Variants in EXOC2 observed in about 807,000 individuals in gnomAD.
The protein encoded by EXOC2 is SEC5-like 1.
EXOC2 carries 70 observed loss-of-function variants against 131.8 expected under a neutral mutation model. That is an observed-to-expected ratio of 0.53 (90% CI 0.44 to 0.65). The LOEUF (loss-of-function observed/expected upper bound fraction) is 0.65, where lower values mean the gene tolerates loss of function less well. EXOC2 is among the 30% of genes least tolerant of loss of function. The pLI is 0.00. For synonymous variants in EXOC2, 411 were observed against 398.4 expected, an observed-to-expected ratio of 1.03 and a Z score of -0.38; for missense variants, 923 against 1,108.6, an observed-to-expected ratio of 0.83 and a Z score of 2.38.
At chr6:517,547 A>AACTT (rs1561806806) in intron 23 of EXOC2, among the ~76,000 whole-genome samples, 2 of 13,150 alleles carry the variant, frequency 1.5e-4, no homozygotes, top group African/African-American at 8.4e-4. Context: ...TAATGAAAAA[A>AACTT]ACTTAGTGTT....
At chr6:628,512 C>A (rs1275325462) in intron 4 of EXOC2, among the ~76,000 whole-genome samples, 5 of 152,184 alleles carry the variant, frequency 3.3e-5, no homozygotes, top group Non-Finnish European at 5.9e-5. Context: ...AACACCAAAA[C>A]AGAAGTTGAA....
intron 26 of EXOC2, among the ~76,000 whole-genome samples, chr6:489,636 G>GTAT (rs1176979861): frequency 6.6e-6 from 1 of 152,174 alleles, no homozygotes; most frequent in Non-Finnish European, 1.5e-5. Context: ...CAAGGAGAAA[G>GTAT]TATTAGAAAA....
chr6:580,144 C>T (rs111265794), intron 11 of EXOC2, among the ~76,000 whole-genome samples: 46,633 of 151,318 alleles, frequency 0.31, 7,363 homozygotes, highest in African/African-American at 0.37. Flanking sequence ...TGGGTTCAAG[C>T]GATTCTCTTG....
chr6:497,527 T>G, intron 24 of EXOC2, 38 bp from the exon 25 acceptor site: 4 of 1,571,606 alleles, frequency 2.5e-6, no homozygotes, highest in Non-Finnish European at 8.6e-7. Flanking sequence ...TTTGTGGGGC[T>G]TTTTGACTTG....
At chr6:621,996 A>G (rs888669496) in intron 4 of EXOC2, among the ~76,000 whole-genome samples, 3 of 152,200 alleles carry the variant, frequency 2.0e-5, no homozygotes, top group Non-Finnish European at 4.4e-5. Context: ...ACCCCGGCTA[A>G]GTGACCCAGA....
rs56189394 is a variant in EXOC2, at chr6:673,252, C to CAAAAAAAA, written c.-44+19759_-44+19766dup. On this transcript the variant is annotated intron_variant, in intron 1 of 27. Transcript: ENST00000230449. ...GGTGACAAAAGTGAGACTCCATAGCCAAAAAAAAAAAAAAAAAAAAAAAAA... is the reference window on the plus strand; with the variant it reads ...GGTGACAAAAGTGAGACTCCATAGCCAAAAAAAAAAAAAAAAAAAAAAAAAAAAAAAAA... Among the ~76,000 whole-genome samples the CAAAAAAAA allele has an allele frequency of 5.5e-3, 356 of 64,202 alleles. 3 individuals are homozygous for CAAAAAAAA. Among genetic ancestry groups the CAAAAAAAA allele is most frequent in the Middle Eastern group, 9.4e-3 (1 of 106 alleles). 42.1% of individuals were successfully genotyped at this position (64,202 alleles called of 152,430 possible).
At chr6:651,535 TC>T (rs1762830642) in intron 1 of EXOC2, among the ~76,000 whole-genome samples, 1 of 151,878 alleles carries the variant, frequency 6.6e-6, no homozygotes, top group South Asian at 2.1e-4. Flanking sequence ...GCACCTGTAA[TC>T]CCAGCTACTC....
intron 23 of EXOC2, chr6:524,758 A>C (rs574993654): frequency 9.0e-4 from 137 of 152,328 alleles, no homozygotes; most frequent in African/African-American, 3.1e-3. Flanking sequence ...TAAATATAGA[A>C]ATTTTTCTAT....
intron 24 of EXOC2, among the ~76,000 whole-genome samples, chr6:498,372 G>A (rs748642794): frequency 6.6e-6 from 1 of 152,138 alleles, no homozygotes; most frequent in Non-Finnish European, 1.5e-5. Context: ...CCCACCTACC[G>A]AAGAAATGCT....
chr6:491,089 T>A (rs1258253342), intron 26 of EXOC2, 36 bp downstream of exon 26: 1 of 1,606,582 alleles, frequency 6.2e-7, no homozygotes, highest in Non-Finnish European at 8.5e-7. Context: ...CCTTTATTTT[T>A]AATAGAGCAC....
intron 23 of EXOC2, among the ~76,000 whole-genome samples, chr6:504,915 T>C (rs1448973470): frequency 3.3e-5 from 5 of 152,136 alleles, no homozygotes; most frequent in Admixed American, 6.5e-5. Flanking sequence ...AGTACACATA[T>C]TTCAGGTGTT....
intron 1 of EXOC2, among the ~76,000 whole-genome samples, chr6:642,448 G>T (rs1212566963): frequency 6.6e-6 from 1 of 152,146 alleles, no homozygotes; most frequent in East Asian, 1.9e-4. Flanking sequence ...CACACACCTG[G>T]TATCAGGAGT....
intron 1 of EXOC2, among the ~76,000 whole-genome samples, chr6:683,815 C>G: frequency 6.6e-6 from 1 of 152,180 alleles, no homozygotes; most frequent in East Asian, 1.9e-4. Context: ...ATAGTGAAAG[C>G]AAAATAATCA....
chr6:588,886 T>C (rs374341805), intron 11 of EXOC2, among the ~76,000 whole-genome samples: 1 of 152,184 alleles, frequency 6.6e-6, no homozygotes, highest in East Asian at 1.9e-4. Flanking sequence ...GAAGGAAAGA[T>C]GACGGTGTGT....
intron 23 of EXOC2, among the ~76,000 whole-genome samples, chr6:528,522 T>C (rs954259195): frequency 3.3e-5 from 5 of 152,150 alleles, no homozygotes; most frequent in South Asian, 2.1e-4. Context: ...CAGAACTAAA[T>C]AGAGTTTATA....
At chr6:630,087 T>G (rs1240705198) in intron 3 of EXOC2, 126 bp from the exon 4 acceptor site, 1 of 1,203,902 alleles carries the variant, frequency 8.3e-7, no homozygotes, top group East Asian at 2.8e-5. Context: ...TTTAAGAGAT[T>G]TGAGGACATA....
At chr6:539,485 G>C (rs533771102) in intron 22 of EXOC2, among the ~76,000 whole-genome samples, 1 of 151,874 alleles carries the variant, frequency 6.6e-6, no homozygotes, top group South Asian at 2.1e-4. Context: ...TCCATCTCAC[G>C]CACCAGGCAC....
rs1440882271 is a variant in EXOC2 at position 506,423 on chromosome 6, A to G, written c.2381-6723T>C. On this transcript the variant is annotated intron_variant, in intron 23 of 27. Transcript: ENST00000230449. The surrounding 1 kb of genome is among the most constrained non-coding windows in gnomAD (Gnocchi z 4.4). ...CATCAGTGTGGACAGTGTGCCAAGA[A>G]AAATACAAGGCAAACGGATTTGCTC... Among the ~76,000 whole-genome samples, 2 of 152,236 alleles carry G rather than the reference A, an allele frequency of 1.3e-5. No homozygotes were observed. The highest frequency in any genetic ancestry group is 2.9e-5 in the Non-Finnish European group (2 of 68,044).
intron 1 of EXOC2, among the ~76,000 whole-genome samples, chr6:640,975 T>C (rs1762327710): frequency 6.6e-6 from 1 of 152,032 alleles, no homozygotes. Flanking sequence ...CTAGATGCCA[T>C]GAAAATAAAT....
Sources: gnomAD v4.1 joint callset for allele counts (sites outside exome capture counted in the v4.1 genomes callset) on GRCh38, gnomAD v4.1.1 for gene constraint, Gnocchi (gnomAD v3.1) non-coding constraint, MANE v1.5 for transcripts, NCBI Gene and HGNC (gene_info 2026-07-23, HGNC 2026-07-21) for gene names.